The following MALRD1 variants were observed in gnomAD, a reference collection of about 807,000 sequenced individuals.
MALRD1 encodes the protein MAM and LDL-receptor class A domain-containing protein 1.
A neutral mutation model predicts 242.1 loss-of-function variants in MALRD1; 247 were observed. The observed-to-expected ratio is 1.02, with a 90% CI of 0.92 to 1.13. MALRD1 has a LOEUF of 1.13. Ranked by LOEUF, MALRD1 falls within the 50% of genes most tolerant of loss-of-function variation. The pLI is 0.00. For synonymous variants in MALRD1, 995 were observed against 866.6 expected (o/e 1.15, Z -2.60); for missense variants, 2,989 against 2,533.1 (o/e 1.18, Z -3.86).
chr10:19,313,416 A>G (rs1842512462), intron 21 of MALRD1, among the ~76,000 whole-genome samples: 1 of 151,488 alleles, frequency 6.6e-6, no homozygotes, highest in Non-Finnish European at 1.5e-5. Context: ...TCAGATGTGA[A>G]TGTTTTTTGG....
chr10:19,261,131 A>G (rs1454754025), intron 19 of MALRD1, among the ~76,000 whole-genome samples: 1 of 152,142 alleles, frequency 6.6e-6, no homozygotes. Context: ...CATTGAAACT[A>G]TTGTTGCCCT....
At position 19,134,032 on chromosome 10, in the gene MALRD1, G is replaced by T. The variant is rs1049800801; in HGVS notation, c.1203+84G>T. The T allele has an allele frequency of 5.4e-5, 30 of 560,186 alleles. No homozygotes were observed. The African/African-American group carries it at 5.5e-4, about 10-fold the overall frequency. The allele number at this position is 560,186 out of a possible 1,614,324, so 34.7% of individuals were successfully genotyped here. A position where few individuals can be genotyped will look rare whatever the true frequency, so the allele number is the denominator to read the frequency against. On this transcript the variant is annotated intron_variant, in intron 9 of 39. Transcript: ENST00000454679. Reference sequence around the variant, plus strand: ...AATAAATTGACCATGCACTGCTAAAGTTAAATTAGCAGTTAAGTTAGGGAT... The same window carrying T: ...AATAAATTGACCATGCACTGCTAAATTTAAATTAGCAGTTAAGTTAGGGAT...
chr10:19,210,314 A>G (rs942143031), intron 18 of MALRD1, among the ~76,000 whole-genome samples: 1 of 152,240 alleles, frequency 6.6e-6, no homozygotes, highest in African/African-American at 2.4e-5. Flanking sequence ...TTGGTAAGCC[A>G]GAAGTCCTTT....
intron 28 of MALRD1, among the ~76,000 whole-genome samples, chr10:19,421,262 A>G (rs915436660): frequency 1.3e-5 from 2 of 152,114 alleles, no homozygotes; most frequent in African/African-American, 4.8e-5. Context: ...AGAATTTGTT[A>G]AATGCTATGT....
At chr10:19,490,073 G>A (rs1004816135) in intron 29 of MALRD1, among the ~76,000 whole-genome samples, 1 of 152,108 alleles carries the variant, frequency 6.6e-6, no homozygotes, top group Admixed American at 6.5e-5. Flanking sequence ...TTTTAAGCTG[G>A]AAAGTCACTG....
At chr10:19,216,670 G>T (rs973994456) in intron 18 of MALRD1, among the ~76,000 whole-genome samples, 38 of 150,146 alleles carry the variant, frequency 2.5e-4, no homozygotes, top group African/African-American at 9.1e-4. Flanking sequence ...GGCCAGCTGG[G>T]TGCGGTGGCT....
chr10:19,504,821 T>C lies in MALRD1; in HGVS notation c.5320+6175T>C, dbSNP rs1008176780. ...CCTCAGCCTCCCGAGTAGCTGGGAC[T>C]ACAGGCGCCCGCCACCGCGCCCGGC... On this transcript the variant is annotated intron_variant, in intron 31 of 39. Coordinates refer to ENST00000454679, the MANE Select transcript of MALRD1 (RefSeq NM_001142308.3). Among the ~76,000 whole-genome samples, 175 of 151,150 alleles carry C rather than the reference T, an allele frequency of 1.2e-3. 1 individual carries two copies. The highest frequency in any genetic ancestry group is 4.1e-3 in the African/African-American group (170 of 41,116).
At chr10:19,556,419 G>A (rs1044638690) in intron 32 of MALRD1, among the ~76,000 whole-genome samples, 4 of 151,834 alleles carry the variant, frequency 2.6e-5, no homozygotes, top group Non-Finnish European at 4.4e-5. Flanking sequence ...ATTCCCCTTT[G>A]CTCCACCTAT....
At chr10:19,414,068 C>T (rs1242111280) in intron 28 of MALRD1, among the ~76,000 whole-genome samples, 3 of 151,348 alleles carry the variant, frequency 2.0e-5, no homozygotes, top group Non-Finnish European at 2.9e-5. Context: ...AGTTCAATTT[C>T]CTCTTAAATG....
intron 36 of MALRD1, among the ~76,000 whole-genome samples, chr10:19,622,152 G>T (rs1839431405): frequency 6.7e-6 from 1 of 149,952 alleles, no homozygotes; most frequent in African/African-American, 2.5e-5. Flanking sequence ...ATATTGTACT[G>T]GAGGTAGTCA....
intron 26 of MALRD1, among the ~76,000 whole-genome samples, chr10:19,359,222 T>C (rs2130697302): frequency 6.6e-6 from 1 of 152,288 alleles, no homozygotes; most frequent in African/African-American, 2.4e-5. Flanking sequence ...ATTTTCCAAA[T>C]TAATGTTTTC....
intron 29 of MALRD1, among the ~76,000 whole-genome samples, chr10:19,453,859 G>T (rs1378861351): frequency 1.3e-5 from 2 of 151,434 alleles, no homozygotes; most frequent in Non-Finnish European, 2.9e-5. Flanking sequence ...CTAGGGTGAT[G>T]GAGCAAGACT....
chr10:19,505,089 AAG>A (rs1838147948), intron 31 of MALRD1, among the ~76,000 whole-genome samples: 1 of 152,168 alleles, frequency 6.6e-6, no homozygotes, highest in Admixed American at 6.5e-5. Flanking sequence ...AAGAAGGAGA[AAG>A]AGGCAGAGGA....
chr10:19,314,529 G>A (rs1044951967), intron 21 of MALRD1, among the ~76,000 whole-genome samples: 5 of 151,548 alleles, frequency 3.3e-5, no homozygotes, highest in African/African-American at 9.7e-5. Context: ...CTGGGTGTCC[G>A]AATACTTATG....
chr10:19,560,650 A>C (rs1410681026), intron 32 of MALRD1, among the ~76,000 whole-genome samples: 1 of 152,204 alleles, frequency 6.6e-6, no homozygotes, highest in Non-Finnish European at 1.5e-5. Flanking sequence ...GGATGAGTTC[A>C]TGTCTTTTGC....
chr10:19,348,087 A>T (rs368360565), intron 25 of MALRD1, 69 bp downstream of exon 25: 1 of 1,490,580 alleles, frequency 6.7e-7, no homozygotes, highest in Non-Finnish European at 9.0e-7. Context: ...ATAAATTGAC[A>T]TACGGAAAAC....
chr10:19,051,364 G>A (rs1290987844), intron 1 of MALRD1: 1 of 151,996 alleles, frequency 6.6e-6, no homozygotes, highest in Non-Finnish European at 1.5e-5. Flanking sequence ...CAACTTTTCT[G>A]AATAAAATTG....
intron 7 of MALRD1, among the ~76,000 whole-genome samples, chr10:19,125,588 T>C (rs968027586): frequency 2.0e-5 from 3 of 151,452 alleles, no homozygotes; most frequent in African/African-American, 7.3e-5. Flanking sequence ...TTTATTTTTA[T>C]TTTTTTCACT....
At chr10:19,130,034 A>G (rs147899012) in intron 8 of MALRD1, among the ~76,000 whole-genome samples, 2 of 151,844 alleles carry the variant, frequency 1.3e-5, no homozygotes, top group East Asian at 1.9e-4. Context: ...TTTTAATTGG[A>G]TGAGATATAA....
Sources: gnomAD v4.1 joint callset for allele counts (sites outside exome capture counted in the v4.1 genomes callset) on GRCh38, gnomAD v4.1.1 for gene constraint, MANE v1.5 for transcripts, NCBI Gene and HGNC (gene_info 2026-07-23, HGNC 2026-07-21) for gene names.